Variants in AFAP1 observed in about 807,000 individuals in gnomAD.
AFAP1 encodes actin filament associated protein 1.
In AFAP1, 75 loss-of-function variants were observed where a neutral mutation model predicts 93.9. That is an observed-to-expected ratio of 0.80 (90% CI 0.66 to 0.97). The LOEUF (loss-of-function observed/expected upper bound fraction) is 0.97. Ranked by LOEUF, AFAP1 falls within the 50% of genes least tolerant of loss-of-function variation. The probability of loss-of-function intolerance (pLI) is 0.00; values close to 1 mark genes in which losing one functional copy is unlikely to be tolerated. For synonymous variants in AFAP1, 517 were observed against 430.7 expected (o/e 1.20, Z -2.48); for missense variants, 1,201 against 1,050.8 (o/e 1.14, Z -1.98).
At chr4:7,878,029 T>C (rs1208971724) in intron 1 of AFAP1, among the ~76,000 whole-genome samples, 1 of 152,092 alleles carries the variant, frequency 6.6e-6, no homozygotes, top group East Asian at 1.9e-4. Context: ...CAAACACACA[T>C]GGCTGGTGGG....
intron 11 of AFAP1, among the ~76,000 whole-genome samples, chr4:7,791,358 T>G (rs566887109): frequency 2.0e-5 from 3 of 152,302 alleles, no homozygotes; most frequent in Non-Finnish European, 4.4e-5. Flanking sequence ...TGAAAGATGC[T>G]GGAGCTGCAA....
intron 1 of AFAP1, among the ~76,000 whole-genome samples, chr4:7,906,172 CAG>C (rs1048312395): frequency 6.6e-6 from 1 of 152,158 alleles, no homozygotes; most frequent in African/African-American, 2.4e-5. Flanking sequence ...GAGAAAGAAA[CAG>C]GGTTACTAGA....
chr4:7,818,780 G>C (rs1370131599), intron 7 of AFAP1, among the ~76,000 whole-genome samples: 1 of 152,210 alleles, frequency 6.6e-6, no homozygotes, highest in Non-Finnish European at 1.5e-5. Context: ...AGACAGGCTT[G>C]CCTTCAGACT....
rs1715615679 is a variant in AFAP1 at position 7,860,973 on chromosome 4, T to G, written c.226-5399A>C. ...TGGCACTCCGCCCTCTGTCTGCTGC[T>G]CCCCACCTTCTTCCCTACCCCTGCC... On this transcript the variant is annotated intron_variant, in intron 3 of 17. Transcript: ENST00000420658. Among the ~76,000 whole-genome samples the G allele has an allele frequency of 2.0e-5, 3 of 152,170 alleles. No individual in the cohort carries two copies. In the South Asian group the frequency reaches 6.2e-4, roughly 31 times the overall value.
rs529467439 is a variant in AFAP1, at chr4:7,812,638, T to C, written c.905-2875A>G. 2.0e-5 allele frequency among the ~76,000 whole-genome samples: 3 copies of C among 152,204 alleles called. No homozygotes were observed. The South Asian group carries it at 6.2e-4, about 32-fold the overall frequency. On this transcript the variant is annotated intron_variant, in intron 8 of 17. Coordinates refer to ENST00000420658, the MANE Select transcript of AFAP1 (RefSeq NM_001134647.2). ...CCCTGCAGCTAGAGGGTAGAAAAGC[T>C]GGAGTATCCAGGCACACGCTGGCCC...
At chr4:7,781,332 G>A (rs1409634045) in intron 13 of AFAP1, 44 bp downstream of exon 13, 1 of 1,542,464 alleles carries the variant, frequency 6.5e-7, no homozygotes, top group Non-Finnish European at 8.8e-7. Context: ...GGAGCAATGT[G>A]ACTTGAAGGT....
intron 6 of AFAP1, among the ~76,000 whole-genome samples, chr4:7,823,160 T>C (rs529095652): frequency 1.3e-5 from 2 of 152,212 alleles, no homozygotes; most frequent in South Asian, 2.1e-4. Flanking sequence ...CTGTGTCTCC[T>C]ACTAAGTTGT....
At chr4:7,801,917 A>T (rs1052227138) in intron 9 of AFAP1, among the ~76,000 whole-genome samples, 16 of 56,636 alleles carry the variant, frequency 2.8e-4, no homozygotes, top group African/African-American at 8.8e-4. Context: ...CCTATCACAA[A>T]AAAAAAAAAA....
rs1713768973 is a variant in AFAP1 at position 7,761,352 on chromosome 4, G to A, written c.*2413C>T. 1 of 152,250 alleles carries A rather than the reference G, an allele frequency of 6.6e-6. No individual in the cohort carries two copies. Among genetic ancestry groups the A allele is most frequent in the South Asian group, 2.1e-4 (1 of 4,832 alleles). 9.4% of individuals were successfully genotyped at this position (152,250 alleles called of 1,614,324 possible). ...GTTTGCCTCCGCTTTAAAAGGCTTA[G>A]GGTTGTGGATGTGAATTACAAACCT... is the stretch of plus-strand genomic sequence containing the variant. On this transcript the variant is annotated 3_prime_UTR_variant, in exon 18 of 18. Transcript: ENST00000420658.
intron 1 of AFAP1, among the ~76,000 whole-genome samples, chr4:7,927,127 C>T (rs1158977999): frequency 6.6e-6 from 1 of 152,182 alleles, no homozygotes; most frequent in Non-Finnish European, 1.5e-5. Context: ...GTTTTTGGTC[C>T]TCAAGAGGTC....
chr4:7,766,746 C>G (rs1433728789), intron 17 of AFAP1, among the ~76,000 whole-genome samples: 1 of 152,148 alleles, frequency 6.6e-6, no homozygotes, highest in Non-Finnish European at 1.5e-5. Flanking sequence ...AGTTTCCATG[C>G]CTGGATGGCC....
At chr4:7,834,306 A>G (rs1030056759) in intron 6 of AFAP1, among the ~76,000 whole-genome samples, 1 of 152,202 alleles carries the variant, frequency 6.6e-6, no homozygotes, top group East Asian at 1.9e-4. Context: ...AAGGCATAAG[A>G]ATGACACAGT....
intron 1 of AFAP1, among the ~76,000 whole-genome samples, chr4:7,884,868 A>C (rs985654875): frequency 1.3e-5 from 2 of 152,212 alleles, no homozygotes; most frequent in African/African-American, 4.8e-5. Context: ...AATGACAAAC[A>C]TGGATTACGG....
chr4:7,867,518 G>A (rs1454890279), intron 3 of AFAP1, among the ~76,000 whole-genome samples: 3 of 152,190 alleles, frequency 2.0e-5, no homozygotes, highest in African/African-American at 7.2e-5. Flanking sequence ...AGGCATGCTT[G>A]CATCTGATTT....
chr4:7,764,541 A>T (rs949324158), intron 17 of AFAP1, among the ~76,000 whole-genome samples: 44 of 145,058 alleles, frequency 3.0e-4, no homozygotes, highest in Non-Finnish European at 5.6e-4. Flanking sequence ...AAAAATGCTT[A>T]AAATGGTCAA....
intron 11 of AFAP1, among the ~76,000 whole-genome samples, chr4:7,790,750 G>T (rs997723811): frequency 2.6e-5 from 4 of 152,134 alleles, no homozygotes; most frequent in Non-Finnish European, 5.9e-5. Context: ...TGATTAGAAA[G>T]AATATAATTA....
chr4:7,894,895 G>T (rs894762262), intron 1 of AFAP1, among the ~76,000 whole-genome samples: 1 of 152,218 alleles, frequency 6.6e-6, no homozygotes, highest in Admixed American at 6.5e-5. Context: ...TGATCTCCAG[G>T]GAGGGGGATG....
At chr4:7,857,968 T>C (rs1715265702) in intron 3 of AFAP1, among the ~76,000 whole-genome samples, 1 of 152,100 alleles carries the variant, frequency 6.6e-6, no homozygotes, top group African/African-American at 2.4e-5. Context: ...TCTAGAAACA[T>C]ATGTCAAAAA....
At chr4:7,814,380 G>A (rs1246834227) in intron 8 of AFAP1, among the ~76,000 whole-genome samples, 3 of 152,204 alleles carry the variant, frequency 2.0e-5, no homozygotes, top group East Asian at 1.9e-4. Context: ...CAATACTGAG[G>A]CTGGAGAGAA....
Sources: allele counts gnomAD v4.1 joint callset (sites outside exome capture counted in the v4.1 genomes callset), GRCh38; gene constraint gnomAD v4.1.1; transcripts MANE v1.5; gene names NCBI Gene and HGNC (gene_info 2026-07-23, HGNC 2026-07-21).